Variants in ROR2 observed in about 807,000 individuals in gnomAD.
ROR2 encodes tyrosine-protein kinase transmembrane receptor ROR2.
Under a neutral mutation model 74.9 loss-of-function variants are expected in ROR2, and 33 were observed. The observed-to-expected ratio is 0.44, with a 90% confidence interval of 0.33 to 0.59. The LOEUF is 0.59. Ranked by LOEUF, ROR2 falls within the 20% of genes least tolerant of loss-of-function variation. The pLI is 0.02. For synonymous variants in ROR2, 586 were observed against 558.7 expected, an observed-to-expected ratio of 1.05 and a Z score of -0.69; for missense variants, 1,216 against 1,313.8, an observed-to-expected ratio of 0.93 and a Z score of 1.15.
chr9:91,909,497 T>C (rs1256418174), intron 1 of ROR2, among the ~76,000 whole-genome samples: 1 of 149,174 alleles, frequency 6.7e-6, no homozygotes, highest in African/African-American at 2.5e-5. Context: ...CAGGCATGCA[T>C]CACCACATCC....
chr9:91,848,306 G>A (rs868029175), intron 1 of ROR2, among the ~76,000 whole-genome samples: 3 of 152,154 alleles, frequency 2.0e-5, no homozygotes, highest in Admixed American at 6.5e-5. Flanking sequence ...CCAGGGGAGC[G>A]GAGCTGTATG....
Position 91,858,774 on chromosome 9 carries a change from G to A in ROR2, c.98-82956C>T, listed in dbSNP as rs560060118. ...CATGCCACAGGGAGTTCTAAGTCCC[G>A]ACAAGAACCAAGTCATGTAATCTCC... On this transcript the variant is annotated intron_variant, in intron 1 of 8. Transcript: ENST00000375708. Among the ~76,000 whole-genome samples, 4 of 152,236 alleles carry A rather than the reference G, an allele frequency of 2.6e-5. No homozygotes were observed. The South Asian group carries it at 6.2e-4, about 24-fold the overall frequency.
intron 4 of ROR2, among the ~76,000 whole-genome samples, chr9:91,739,204 T>C (rs181035032): frequency 2.0e-5 from 3 of 152,154 alleles, no homozygotes; most frequent in South Asian, 2.1e-4. Flanking sequence ...CCAAATGAAA[T>C]CTGAATTCTG....
At chr9:91,933,036 T>C (rs1794143082) in intron 1 of ROR2, among the ~76,000 whole-genome samples, 1 of 152,192 alleles carries the variant, frequency 6.6e-6, no homozygotes, top group African/African-American at 2.4e-5. Context: ...CAGTGGCCTA[T>C]GATTACAGGC....
rs377739558 is a variant in ROR2 at position 91,839,243 on chromosome 9, A to G, written c.98-63425T>C. Reference sequence around the variant, plus strand: ...TCCTGGCCTGATTCCTGGTGCTGTCAGATCGGGGGTGTGTGTGTGTGTGTG... The same window carrying G: ...TCCTGGCCTGATTCCTGGTGCTGTCGGATCGGGGGTGTGTGTGTGTGTGTG... On this transcript the variant is annotated intron_variant, in intron 1 of 8. Transcript: ENST00000375708. Among the ~76,000 whole-genome samples the G allele has an allele frequency of 4.9e-4, 69 of 142,122 alleles. 1 individual carries two copies. The highest frequency in any genetic ancestry group is 1.9e-3 in the African/African-American group (69 of 37,072). The allele number at this position is 142,122 out of a possible 152,430, so 93.2% of individuals were successfully genotyped here.
intron 8 of ROR2, among the ~76,000 whole-genome samples, 154 bp downstream of exon 8, chr9:91,726,387 G>C (rs901323398): frequency 2.0e-5 from 3 of 151,828 alleles, no homozygotes; most frequent in Admixed American, 6.6e-5. Context: ...TCCTGATCTA[G>C]TTTACAGAAA....
chr9:91,852,624 AACACACAC>A (rs59759515), intron 1 of ROR2, among the ~76,000 whole-genome samples: 189 of 123,920 alleles, frequency 1.5e-3, no homozygotes, highest in African/African-American at 6.8e-3. Context: ...AAAACACACA[AACACACAC>A]ACACACACAC....
At chr9:91,881,295 T>A (rs1185236159) in intron 1 of ROR2, among the ~76,000 whole-genome samples, 3 of 152,224 alleles carry the variant, frequency 2.0e-5, no homozygotes, top group Non-Finnish European at 4.4e-5. Context: ...AACATGTTTA[T>A]GAAATAAAAC....
Position 91,724,333 on chromosome 9 carries a change from C to T in ROR2, c.2161G>A (p.Val721Met), listed in dbSNP as rs1477344784. ...LPCPDDCPAW[V>M]YALMIECWNE... The stretch of plus-strand genomic sequence containing the variant: ...CAGCACTCGATCATGAGGGCATACA[C>T]CCAGGCGGGACAGTCATCGGGGCAA... The change falls in exon 9 of 9, where the codon GTG becomes ATG. Residue 721 changes from valine to methionine, a missense_variant. Physicochemically the swap from Val to Met is conservative, Grantham distance 21. Coordinates refer to ENST00000375708, the MANE Select transcript of ROR2 (RefSeq NM_004560.4). 2.5e-6 allele frequency: 4 copies of T among 1,613,322 alleles called. No individual in the cohort carries two copies. Among genetic ancestry groups the T allele is most frequent in the Non-Finnish European group, 2.5e-6 (3 of 1,180,034 alleles).
At chr9:91,789,307 T>A (rs1826897547) in intron 1 of ROR2, among the ~76,000 whole-genome samples, 1 of 152,062 alleles carries the variant, frequency 6.6e-6, no homozygotes, top group Non-Finnish European at 1.5e-5. Context: ...TAAGAAATAG[T>A]CAAGAGTCCT....
At chr9:91,770,585 CAACT>C (rs1315418402) in intron 2 of ROR2, among the ~76,000 whole-genome samples, 1 of 152,242 alleles carries the variant, frequency 6.6e-6, no homozygotes, top group Non-Finnish European at 1.5e-5. Flanking sequence ...ACGCTCAGAA[CAACT>C]AACATTCATC....
chr9:91,858,923 G>A (rs538897744), intron 1 of ROR2, among the ~76,000 whole-genome samples: 27 of 152,228 alleles, frequency 1.8e-4, no homozygotes, highest in Admixed American at 9.8e-4. Context: ...GCCAGGCATC[G>A]GGCTCTATTG....
intron 1 of ROR2, among the ~76,000 whole-genome samples, chr9:91,830,604 A>G (rs1361800868): frequency 6.6e-6 from 1 of 152,218 alleles, no homozygotes; most frequent in Non-Finnish European, 1.5e-5. Context: ...GGAGCCCACC[A>G]GCCTCCCCAA....
chr9:91,770,681 A>C (rs1254163278), intron 2 of ROR2, among the ~76,000 whole-genome samples: 1 of 152,210 alleles, frequency 6.6e-6, no homozygotes, highest in East Asian at 1.9e-4. Context: ...CACACCTAGC[A>C]GAGTTGCATG....
intron 1 of ROR2, among the ~76,000 whole-genome samples, chr9:91,881,719 C>CA: frequency 6.6e-6 from 1 of 152,214 alleles, no homozygotes; most frequent in Non-Finnish European, 1.5e-5. Context: ...TATCAGGCCT[C>CA]ATTAGCGAAG....
At chr9:91,750,527 C>A (rs1825566442) in intron 4 of ROR2, among the ~76,000 whole-genome samples, 1 of 152,236 alleles carries the variant, frequency 6.6e-6, no homozygotes, top group Admixed American at 6.5e-5. Context: ...CACCAGATGG[C>A]ACTTCAGCGC....
Position 91,762,925 on chromosome 9 carries a change from G to A in ROR2, c.176-5366C>T, listed in dbSNP as rs143215853. 2.2e-3 allele frequency among the ~76,000 whole-genome samples: 328 copies of A among 152,188 alleles called. 3 individuals are homozygous for A. Among genetic ancestry groups the A allele is most frequent in the African/African-American group, 7.6e-3 (315 of 41,508 alleles). On this transcript the variant is annotated intron_variant, in intron 2 of 8. Coordinates refer to ENST00000375708, the MANE Select transcript of ROR2 (RefSeq NM_004560.4). ...GATGTCTTGTCCTGTGCATATACAA[G>A]AGTCTCTCAAAAGTACATACATGAC... is the stretch of plus-strand genomic sequence containing the variant.
At chr9:91,896,588 C>G (rs888067417) in intron 1 of ROR2, among the ~76,000 whole-genome samples, 1 of 152,098 alleles carries the variant, frequency 6.6e-6, no homozygotes, top group African/African-American at 2.4e-5. Context: ...CTTCTGGTTC[C>G]CATTAGAGAA....
At chr9:91,923,044 A>G (rs1037920157) in intron 1 of ROR2, among the ~76,000 whole-genome samples, 4 of 152,088 alleles carry the variant, frequency 2.6e-5, no homozygotes, top group Admixed American at 1.3e-4. Flanking sequence ...CCTCTCCCTC[A>G]TGCCAAAGAA....
Sources: gnomAD v4.1 joint callset for allele counts (sites outside exome capture counted in the v4.1 genomes callset) on GRCh38, gnomAD v4.1.1 for gene constraint, MANE v1.5 for transcripts, NCBI Gene and HGNC (gene_info 2026-07-23, HGNC 2026-07-21) for gene names.